The following FAM184B variants were observed in gnomAD, a reference collection of about 807,000 sequenced individuals.
FAM184B encodes the protein family with sequence similarity 184 member B.
Under a neutral mutation model 135.9 loss-of-function variants are expected in FAM184B, and 111 were observed. The observed-to-expected ratio is 0.82, with a 90% confidence interval of 0.70 to 0.96. The LOEUF (loss-of-function observed/expected upper bound fraction) is 0.96, where lower values mean the gene tolerates loss of function less well. Ranked by LOEUF, FAM184B falls within the 40% of genes least tolerant of loss-of-function variation. The pLI is 0.00. For synonymous variants in FAM184B, 552 were observed against 524.8 expected (o/e 1.05, Z -0.71); for missense variants, 1,375 against 1,323.9 (o/e 1.04, Z -0.60).
At chr4:17,670,693 G>A (rs1716151781) in intron 7 of FAM184B, among the ~76,000 whole-genome samples, 3 of 152,226 alleles carry the variant, frequency 2.0e-5, no homozygotes, top group Non-Finnish European at 4.4e-5. Flanking sequence ...GCTCTATGAA[G>A]TAGCCAGGAA....
intron 1 of FAM184B, among the ~76,000 whole-genome samples, chr4:17,755,442 G>C (rs1176958609): frequency 6.6e-6 from 1 of 152,198 alleles, no homozygotes; most frequent in Non-Finnish European, 1.5e-5. Context: ...AAAAAGGAAT[G>C]CTTTTACACT....
At position 17,688,057 on chromosome 4, in the gene FAM184B, C is replaced by T. The variant is rs1480208845; in HGVS notation, c.1596+367G>A. Among the ~76,000 whole-genome samples the T allele has an allele frequency of 2.0e-5, 3 of 152,178 alleles. No homozygotes were observed. In the East Asian group the frequency reaches 5.8e-4, roughly 29 times the overall value. On this transcript the variant is annotated intron_variant, in intron 7 of 17. Coordinates refer to ENST00000265018, the MANE Select transcript of FAM184B (RefSeq NM_015688.2). The stretch of plus-strand genomic sequence containing the variant: ...ATGAGATCATGGCTGTGGAGGCAGA[C>T]AGCCGGGGCAAGAGAGGGGCTTTTA...
Position 17,664,649 on chromosome 4 carries a change from A to G in FAM184B, c.1607T>C (p.Leu536Ser), listed in dbSNP as rs1716002363. 6.5e-7 allele frequency: 1 copy of G among 1,550,196 alleles called. No homozygotes were observed. Among genetic ancestry groups the G allele is most frequent in the Non-Finnish European group, 8.7e-7 (1 of 1,146,722 alleles). ...TCTCGGCGAAGTTTCATCCAGCTTC[A>G]AGCATGGATCCTAAGGCCAAAAAAG... Reference protein sequence around the residue: ...CSILETQDPCLKLDETSPRGE... With the variant: ...CSILETQDPCSKLDETSPRGE... The change falls in exon 8 of 18, where the codon TTG becomes TCG. Residue 536 changes from leucine to serine, a missense_variant. Transcript: ENST00000265018.
At chr4:17,687,448 T>C (rs1298386190) in intron 7 of FAM184B, among the ~76,000 whole-genome samples, 1 of 152,180 alleles carries the variant, frequency 6.6e-6, no homozygotes, top group African/African-American at 2.4e-5. Context: ...GTACAACAAA[T>C]GTTCACTGAG....
Position 17,635,758 on chromosome 4 carries a change from G to A in FAM184B, c.2785-645C>T, listed in dbSNP as rs530236253. 6.7e-4 allele frequency among the ~76,000 whole-genome samples: 102 copies of A among 151,996 alleles called. 1 individual carries two copies. Among genetic ancestry groups the A allele is most frequent in the Non-Finnish European group, 7.8e-4 (53 of 68,014 alleles). ...ATATCAATGTCACCTAATTTTCAAA[G>A]CACAGAGAGATACAGAAGTGAGGCA... is the stretch of plus-strand genomic sequence containing the variant. On this transcript the variant is annotated intron_variant, in intron 15 of 17. Coordinates refer to ENST00000265018, the MANE Select transcript of FAM184B (RefSeq NM_015688.2).
At chr4:17,719,548 G>T (rs1717472269) in intron 1 of FAM184B, among the ~76,000 whole-genome samples, 1 of 152,188 alleles carries the variant, frequency 6.6e-6, no homozygotes, top group Non-Finnish European at 1.5e-5. Context: ...GTCTGTAGAG[G>T]TGCAGAGAAA....
At chr4:17,653,290 G>A (rs1715677949) in intron 10 of FAM184B, among the ~76,000 whole-genome samples, 1 of 152,196 alleles carries the variant, frequency 6.6e-6, no homozygotes, top group Non-Finnish European at 1.5e-5. Flanking sequence ...GAGACTGACA[G>A]ACAGATACTG....
chr4:17,699,103 A>AAGGC (rs1394150496), intron 5 of FAM184B, among the ~76,000 whole-genome samples: 1 of 152,154 alleles, frequency 6.6e-6, no homozygotes. Context: ...GCTAAAAATT[A>AAGGC]TAATATCTAA....
intron 9 of FAM184B, among the ~76,000 whole-genome samples, chr4:17,659,295 C>T (rs1715856864): frequency 6.6e-6 from 1 of 151,762 alleles, no homozygotes; most frequent in Non-Finnish European, 1.5e-5. Context: ...TTTGTAGAGA[C>T]AGAGTCTTGC....
chr4:17,740,667 C>T (rs1577284955), intron 1 of FAM184B, among the ~76,000 whole-genome samples: 1 of 152,128 alleles, frequency 6.6e-6, no homozygotes, highest in Non-Finnish European at 1.5e-5. Flanking sequence ...GTGGCAGTTG[C>T]CCAGTTGGAA....
intron 1 of FAM184B, among the ~76,000 whole-genome samples, chr4:17,727,190 G>C (rs961033925): frequency 2.0e-5 from 3 of 152,120 alleles, no homozygotes; most frequent in Non-Finnish European, 4.4e-5. Flanking sequence ...AAAAGATTAA[G>C]ACTCTGTCCC....
intron 7 of FAM184B, among the ~76,000 whole-genome samples, chr4:17,667,183 C>G (rs1280840815): frequency 2.0e-5 from 3 of 152,060 alleles, no homozygotes; most frequent in Middle Eastern, 6.8e-3. Context: ...TGGTCTCAAA[C>G]TCCTGGGCTC....
rs1488888755 is a variant in FAM184B at position 17,748,595 on chromosome 4, T to C, written c.141+32564A>G. 3.5e-5 allele frequency among the ~76,000 whole-genome samples: 5 copies of C among 142,354 alleles called. No homozygotes were observed. In the East Asian group the frequency reaches 1.1e-3, roughly 30 times the overall value. 93.4% of individuals were successfully genotyped at this position (142,354 alleles called of 152,430 possible). On this transcript the variant is annotated intron_variant, in intron 1 of 17. Coordinates refer to ENST00000265018, the MANE Select transcript of FAM184B (RefSeq NM_015688.2). ...GTGTAGTGGTGATCTCGGCCCACTGTAGCCTTGACCTCTGGGGCTCAAGTG... is the reference window on the plus strand; with the variant it reads ...GTGTAGTGGTGATCTCGGCCCACTGCAGCCTTGACCTCTGGGGCTCAAGTG...
chr4:17,640,344 C>G (rs1013103969), intron 13 of FAM184B, among the ~76,000 whole-genome samples: 4 of 147,676 alleles, frequency 2.7e-5, no homozygotes, highest in Admixed American at 6.8e-5. Flanking sequence ...ATTAGCTGGG[C>G]ATGGTGGTGT....
At chr4:17,717,593 G>C (rs1301763174) in intron 1 of FAM184B, among the ~76,000 whole-genome samples, 8 of 152,154 alleles carry the variant, frequency 5.3e-5, no homozygotes, top group African/African-American at 1.9e-4. Context: ...TTCTGAGCAA[G>C]TCAAAACGAC....
At chr4:17,713,832 C>T (rs1326707361) in intron 1 of FAM184B, among the ~76,000 whole-genome samples, 1 of 152,118 alleles carries the variant, frequency 6.6e-6, no homozygotes, top group African/African-American at 2.4e-5. Flanking sequence ...ACCTGCTGGC[C>T]AATAAGACAA....
intron 1 of FAM184B, among the ~76,000 whole-genome samples, chr4:17,730,845 A>G (rs1176528037): frequency 6.6e-6 from 1 of 152,152 alleles, no homozygotes; most frequent in Non-Finnish European, 1.5e-5. Context: ...TTGAAAAAAA[A>G]TTAGATGATT....
At chr4:17,645,339 A>C (rs1022570611) in intron 12 of FAM184B, among the ~76,000 whole-genome samples, 4 of 152,222 alleles carry the variant, frequency 2.6e-5, no homozygotes, top group African/African-American at 9.6e-5. Flanking sequence ...CTACAAGGCC[A>C]CAGTAACCAA....
At chr4:17,760,009 G>A (rs1436911504) in intron 1 of FAM184B, among the ~76,000 whole-genome samples, 8 of 152,028 alleles carry the variant, frequency 5.3e-5, no homozygotes, top group African/African-American at 1.7e-4. Context: ...TTGGCTGACC[G>A]CACACCTGGG....
Sources: gnomAD v4.1 joint callset for allele counts (sites outside exome capture counted in the v4.1 genomes callset) on GRCh38, gnomAD v4.1.1 for gene constraint, MANE v1.5 for transcripts, NCBI Gene and HGNC (gene_info 2026-07-23, HGNC 2026-07-21) for gene names.